KIFC1: variants seen among roughly 807,000 people sequenced by gnomAD.
KIFC1 encodes the protein kinesin-like protein KIFC1.
KIFC1 carries 37 observed loss-of-function variants against 66.6 expected under a neutral mutation model. The ratio of observed to expected loss-of-function variants is 0.56; its 90% CI spans 0.43 to 0.73. KIFC1 has a LOEUF of 0.73. KIFC1 is among the 30% of genes least tolerant of loss of function. The pLI, the probability that KIFC1 is intolerant of heterozygous loss-of-function variation, is 0.00. For missense variants in KIFC1, 721 were observed against 859.8 expected, an observed-to-expected ratio of 0.84 and a Z score of 2.02; for synonymous variants, 325 against 343.5, an observed-to-expected ratio of 0.95 and a Z score of 0.60.
chr6:33,396,617 T>C (rs977928257), intron 1 of KIFC1, among the ~76,000 whole-genome samples: 1 of 151,920 alleles, frequency 6.6e-6, no homozygotes, highest in South Asian at 2.1e-4. Context: ...AAGGTGGATG[T>C]CTGCCTAGCT....
chr6:33,405,586 C>A lies in KIFC1; in HGVS notation c.1491C>A (p.Leu497=), dbSNP rs536745198. 6.4e-7 allele frequency: 1 copy of A among 1,555,206 alleles called. No individual in the cohort carries two copies. Among genetic ancestry groups the A allele is most frequent in the Admixed American group, 1.9e-5 (1 of 51,654 alleles). The change falls in exon 7 of 11, where the codon CTC becomes CTA. Residue 497 remains leucine (L), a synonymous_variant. Transcript: ENST00000428849. This position sits in a 1 kb window ranked among gnomAD's most constrained non-coding sequence, Gnocchi z 5.4. ...IRRAGPGSEE[L]TVTNARYVPV... Reference sequence around the variant, plus strand: ...GTGCAGGGCCAGGGAGTGAGGAGCTCACTGTCACCAATGCTCGATATGTCC... The same window carrying A: ...GTGCAGGGCCAGGGAGTGAGGAGCTAACTGTCACCAATGCTCGATATGTCC...
Position 33,398,332 on chromosome 6 carries a change from C to T in KIFC1, c.195C>T (p.Ser65=). ...GTGCAACGACCAAAATTACCACATCCCACCCAAGAGTTCCATCCCTCACTA... is the reference window on the plus strand; with the variant it reads ...GTGCAACGACCAAAATTACCACATCTCACCCAAGAGTTCCATCCCTCACTA... The part of the protein sequence containing the change: ...GLGATTKITT[S]HPRVPSLTTV... Residue 65 remains serine, a synonymous_variant, in exon 3 of 11, where the codon TCC becomes TCT. Transcript: ENST00000428849. 1 of 1,614,052 alleles carries T rather than the reference C, an allele frequency of 6.2e-7. No individual in the cohort carries two copies. Among genetic ancestry groups the T allele is most frequent in the Non-Finnish European group, 8.5e-7 (1 of 1,179,992 alleles).
rs764145664 is a variant in KIFC1, at chr6:33,406,152, C to T, written c.1537-44C>T. The T allele has an allele frequency of 1.7e-5, 27 of 1,548,044 alleles. No homozygotes were observed. Among genetic ancestry groups the T allele is most frequent in the Non-Finnish European group, 2.4e-5 (27 of 1,139,710 alleles). On this transcript the variant is annotated intron_variant, in intron 7 of 10. Transcript: ENST00000428849. This position sits in a 1 kb window ranked among gnomAD's most constrained non-coding sequence, Gnocchi z 4.5. ...TCATTTCCATACATATTACTATGTACTGACTTCTGCCTGCCTTTTTGCCCC... is the reference window on the plus strand; with the variant it reads ...TCATTTCCATACATATTACTATGTATTGACTTCTGCCTGCCTTTTTGCCCC...
At position 33,403,241 on chromosome 6, in the gene KIFC1, CCT is replaced by C; in HGVS notation, c.251-72_251-71del. 3 of 1,348,676 alleles carry C rather than the reference CCT, an allele frequency of 2.2e-6. No individual in the cohort carries two copies. The highest frequency in any genetic ancestry group is 3.2e-6 in the Non-Finnish European group (3 of 940,850). 83.5% of individuals were successfully genotyped at this position (1,348,676 alleles called of 1,614,324 possible). A position where few individuals can be genotyped will look rare whatever the true frequency, so the allele number is the denominator to read the frequency against. On this transcript the variant is annotated intron_variant, in intron 3 of 10. Transcript: ENST00000428849. The surrounding 1 kb of genome is among the most constrained non-coding windows in gnomAD (Gnocchi z 4.6). The stretch of plus-strand genomic sequence containing the variant: ...TTCTGAGAAAAGCACTTCTTCTGCC[CCT>C]GTCCTAGCAAGTGTACATGCCATCT...
upstream of KIFC1, chr6:33,391,754 C>A: frequency 1.6e-6 from 1 of 628,044 alleles, no homozygotes; most frequent in Admixed American, 2.5e-5. Context: ...TGCGATTGGC[C>A]CTCGGCTGTG....
intron 3 of KIFC1, among the ~76,000 whole-genome samples, chr6:33,399,495 T>C (rs1705000): frequency 0.044 from 6,653 of 152,006 alleles, 346 homozygotes; most frequent in African/African-American, 0.13. Flanking sequence ...AATGCATTAT[T>C]GTGGAAACAT....
rs1686877301 is a variant in KIFC1, at chr6:33,401,269, G to A, written c.251-2045G>A. Among the ~76,000 whole-genome samples, 1 of 151,800 alleles carries A rather than the reference G, an allele frequency of 6.6e-6. No individual in the cohort carries two copies. Among genetic ancestry groups the A allele is most frequent in the African/African-American group, 2.4e-5 (1 of 41,300 alleles). Reference sequence around the variant, plus strand: ...CCTGCCTCAGCCTCCCGAGTAGCTGGGACTATAGGTGTGTGCCATCATACC... The same window carrying A: ...CCTGCCTCAGCCTCCCGAGTAGCTGAGACTATAGGTGTGTGCCATCATACC... On this transcript the variant is annotated intron_variant, in intron 3 of 10. Transcript: ENST00000428849. The surrounding 1 kb of genome is among the most constrained non-coding windows in gnomAD (Gnocchi z 4.5).
In KIFC1 at chr6:33,405,282, A is replaced by G. The variant is rs1366177192; in HGVS notation, c.1187A>G (p.Gln396Arg). 6.2e-7 allele frequency: 1 copy of G among 1,614,106 alleles called. No homozygotes were observed. Among genetic ancestry groups the G allele is most frequent in the Non-Finnish European group, 8.5e-7 (1 of 1,180,050 alleles). ...EVFEEIAMLV[Q>R]SALDGYPVCI... ...TTTGAAGAGATTGCCATGCTTGTCC[A>G]GTCAGCCCTGGATGGCTATCCAGTA... Residue 396 changes from glutamine to arginine, a missense_variant, in exon 7 of 11, where the codon CAG becomes CGG. Physicochemically the swap from Gln to Arg is conservative, Grantham distance 43. Coordinates refer to ENST00000428849, the MANE Select transcript of KIFC1 (RefSeq NM_002263.4). The surrounding 1 kb of genome is among the most constrained non-coding windows in gnomAD (Gnocchi z 5.4).
chr6:33,402,731 A>T lies in KIFC1; in HGVS notation c.251-583A>T, dbSNP rs189869664. Among the ~76,000 whole-genome samples the T allele has an allele frequency of 1.6e-3, 232 of 143,496 alleles. 4 individuals are homozygous for T. The East Asian group carries it at 0.045, about 28-fold the overall frequency. The allele number at this position is 143,496 out of a possible 152,430, so 94.1% of individuals were successfully genotyped here. On this transcript the variant is annotated intron_variant, in intron 3 of 10. Transcript: ENST00000428849. The stretch of plus-strand genomic sequence containing the variant: ...GGTGAGAAGAGTGCAACTCCATCTC[A>T]AAAAAAAAACAAAATGGAGGCCAAG...
chr6:33,406,337 C>T lies in KIFC1; in HGVS notation c.1678C>T (p.Pro560Ser). 2 of 1,614,244 alleles carry T rather than the reference C, an allele frequency of 1.2e-6. No homozygotes were observed. The highest frequency in any genetic ancestry group is 1.7e-6 in the Non-Finnish European group (2 of 1,180,038). Residue 560 changes from proline to serine, a missense_variant, in exon 8 of 11, where the codon CCC becomes TCC. Pro to Ser is a moderately conservative substitution (Grantham distance 74). Transcript: ENST00000428849. This position sits in a 1 kb window ranked among gnomAD's most constrained non-coding sequence, Gnocchi z 4.5. ...HSSRGLQCGA[P>S]LSLVDLAGSE... is the part of the protein sequence containing the mutation. ...CAGCCGAGGCCTGCAGTGTGGGGCCCCCCTCAGTCTTGTGGACCTGGCCGG... is the reference window on the plus strand; with the variant it reads ...CAGCCGAGGCCTGCAGTGTGGGGCCTCCCTCAGTCTTGTGGACCTGGCCGG...
In KIFC1 at chr6:33,406,851, C is replaced by G. The variant is rs760110873; in HGVS notation, c.1953C>G (p.Leu651=). The change falls in exon 10 of 11, where the codon CTC becomes CTG. Residue 651 remains leucine, a synonymous_variant. Coordinates refer to ENST00000428849, the MANE Select transcript of KIFC1 (RefSeq NM_002263.4). This position sits in a 1 kb window ranked among gnomAD's most constrained non-coding sequence, Gnocchi z 4.5. ...TGGAAGAGAACGTCTCCGAGTCCCT[C>G]AACTCTCTACGCTTTGCCTCCAAGG... ...SPLEENVSES[L]NSLRFASKVN... 1.7e-5 allele frequency: 27 copies of G among 1,614,002 alleles called. No individual in the cohort carries two copies. In the African/African-American group the frequency reaches 3.3e-4, roughly 20 times the overall value.
chr6:33,397,929 T>C (rs1319058607), intron 1 of KIFC1, 100 bp from the exon 2 acceptor site: 15 of 1,273,326 alleles, frequency 1.2e-5, no homozygotes, highest in Non-Finnish European at 1.6e-5. Context: ...TGCTCAGTGC[T>C]TGGTGGTGGT....
At position 33,406,211 on chromosome 6, in the gene KIFC1, C is replaced by G; in HGVS notation, c.1552C>G (p.His518Asp). ...CCATCCCCAGGTGGACGCCCTGCTT[C>G]ATCTGGCCCGCCAGAATCGGGCTGT... Reference protein sequence around the residue: ...SCEKEVDALLHLARQNRAVAR... With the variant: ...SCEKEVDALLDLARQNRAVAR... Residue 518 changes from histidine (H) to aspartate (D), a missense_variant, in exon 8 of 11, where the codon CAT becomes GAT. Physicochemically the swap from His to Asp is moderately conservative, Grantham distance 81 (BLOSUM62 -1). Transcript: ENST00000428849. The surrounding 1 kb of genome is among the most constrained non-coding windows in gnomAD (Gnocchi z 4.5). 6.2e-7 allele frequency: 1 copy of G among 1,606,670 alleles called. No homozygotes were observed. Among genetic ancestry groups the G allele is most frequent in the Non-Finnish European group, 8.5e-7 (1 of 1,174,604 alleles).
At position 33,400,825 on chromosome 6, in the gene KIFC1, T is replaced by C. The variant is rs1285238585; in HGVS notation, c.250+2438T>C. On this transcript the variant is annotated intron_variant, in intron 3 of 10. Transcript: ENST00000428849. This position sits in a 1 kb window ranked among gnomAD's most constrained non-coding sequence, Gnocchi z 4.3. ...CCACACTTGGCTAATTTTGTTTTTT[T>C]GTATTTTTAATAGAGACAGGGTTTC... 6.6e-6 allele frequency among the ~76,000 whole-genome samples: 1 copy of C among 152,166 alleles called. No individual in the cohort carries two copies. Among genetic ancestry groups the C allele is most frequent in the East Asian group, 1.9e-4 (1 of 5,174 alleles).
chr6:33,397,420 C>T (rs1198284070), intron 1 of KIFC1, among the ~76,000 whole-genome samples: 1 of 151,536 alleles, frequency 6.6e-6, no homozygotes, highest in Non-Finnish European at 1.5e-5. Context: ...GACTCAGCCT[C>T]CCGAGTAGCT....
rs376248739 is a variant in KIFC1, at chr6:33,406,336, C to A, written c.1677C>A (p.Ala559=). The A allele has an allele frequency of 6.2e-7, 1 of 1,614,226 alleles. No homozygotes were observed. ...CCAGCCGAGGCCTGCAGTGTGGGGC[C>A]CCCCTCAGTCTTGTGGACCTGGCCG... ...EHSSRGLQCG[A]PLSLVDLAGS... Residue 559 remains alanine (A), a synonymous_variant, in exon 8 of 11, where the codon GCC becomes GCA. Coordinates refer to ENST00000428849, the MANE Select transcript of KIFC1 (RefSeq NM_002263.4). The surrounding 1 kb of genome is among the most constrained non-coding windows in gnomAD (Gnocchi z 4.5).
Position 33,391,865 on chromosome 6 carries a change from C to G in KIFC1, c.-121C>G. On this transcript the variant is annotated 5_prime_UTR_variant, in exon 1 of 11. Transcript: ENST00000428849. The stretch of plus-strand genomic sequence containing the variant: ...GGTGTGGCGCGGGGCTGGTAGCGGC[C>G]GGAGCCGTGCGAGTTCTCTACCCTG... 8.2e-7 allele frequency: 1 copy of G among 1,226,368 alleles called. No individual in the cohort carries two copies. The highest frequency in any genetic ancestry group is 1.2e-6 in the Non-Finnish European group (1 of 853,248). The allele number at this position is 1,226,368 out of a possible 1,614,324, so 76.0% of individuals were successfully genotyped here.
At position 33,406,684 on chromosome 6, in the gene KIFC1, T is replaced by C. The variant is rs1775676312; in HGVS notation, c.1901+19T>C. ...CTAAGATGTGAGTGAAAGGGACAGA[T>C]GGAAGGGGTCAGGTAGGAACTGTGT... is the stretch of plus-strand genomic sequence containing the variant. On this transcript the variant is annotated intron_variant, in intron 9 of 10. Coordinates refer to ENST00000428849, the MANE Select transcript of KIFC1 (RefSeq NM_002263.4). The surrounding 1 kb of genome is among the most constrained non-coding windows in gnomAD (Gnocchi z 4.5). The C allele has an allele frequency of 6.2e-7, 1 of 1,613,574 alleles. No individual in the cohort carries two copies. Among genetic ancestry groups the C allele is most frequent in the Non-Finnish European group, 8.5e-7 (1 of 1,179,706 alleles).
In KIFC1 at chr6:33,409,803, CT is replaced by C; in HGVS notation, c.*116del. The C allele has an allele frequency of 1.8e-6, 2 of 1,142,476 alleles. No individual in the cohort carries two copies. Among genetic ancestry groups the C allele is most frequent in the South Asian group, 2.6e-5 (2 of 76,636 alleles). 70.8% of individuals were successfully genotyped at this position (1,142,476 alleles called of 1,614,324 possible). ...GGGGTGGGAGGGTTGCTGGAGGGTG[CT>C]TTATTGGGTGGAGGGCACCATGTCC... On this transcript the variant is annotated 3_prime_UTR_variant, in exon 11 of 11. Transcript: ENST00000428849.
Sources: allele counts gnomAD v4.1 joint callset (sites outside exome capture counted in the v4.1 genomes callset), GRCh38; gene constraint gnomAD v4.1.1; non-coding constraint Gnocchi (gnomAD v3.1); transcripts MANE v1.5; gene names NCBI Gene and HGNC (gene_info 2026-07-23, HGNC 2026-07-21).